The following KIRREL3 variants were observed in gnomAD, a reference collection of about 807,000 sequenced individuals.
KIRREL3 encodes kin of IRRE-like protein 3.
In KIRREL3, 36 loss-of-function variants were observed where a neutral mutation model predicts 89.7. That is an observed-to-expected ratio of 0.40 (90% CI 0.31 to 0.53). The LOEUF is 0.53. Ranked by LOEUF, KIRREL3 falls within the 20% of genes least tolerant of loss-of-function variation. The pLI is 0.49. For synonymous variants in KIRREL3, 445 were observed against 441.4 expected (o/e 1.01, Z -0.10); for missense variants, 864 against 1,056.6 (o/e 0.82, Z 2.53).
rs939773123 is a variant in KIRREL3, at chr11:126,999,998, T to G, written c.55+457A>C. ...ACGGTGCAAACCACACACATTCGCTTTTGAATACACTTGTGCAAGTCAAAC... is the reference window on the plus strand; with the variant it reads ...ACGGTGCAAACCACACACATTCGCTGTTGAATACACTTGTGCAAGTCAAAC... On this transcript the variant is annotated intron_variant, in intron 1 of 16. Coordinates refer to ENST00000525144, the MANE Select transcript of KIRREL3 (RefSeq NM_032531.4). The surrounding 1 kb of genome is among the most constrained non-coding windows in gnomAD (Gnocchi z 5.7). 1.3e-5 allele frequency among the ~76,000 whole-genome samples: 2 copies of G among 152,140 alleles called. No homozygotes were observed. Among genetic ancestry groups the G allele is most frequent in the African/African-American group, 2.4e-5 (1 of 41,420 alleles).
chr11:126,631,114 T>C, intron 1 of KIRREL3, among the ~76,000 whole-genome samples: 1 of 58,798 alleles, frequency 1.7e-5, no homozygotes, highest in Non-Finnish European at 3.3e-5. Flanking sequence ...GCAATCAGTC[T>C]GTATGTATGT....
At chr11:126,693,313 C>T (rs1053089597) in intron 1 of KIRREL3, among the ~76,000 whole-genome samples, 19 of 152,126 alleles carry the variant, frequency 1.2e-4, no homozygotes, top group African/African-American at 4.6e-4. Flanking sequence ...CCCAGCTACT[C>T]AGGAGGCTGA....
chr11:126,847,653 T>A (rs1289226874), intron 1 of KIRREL3, among the ~76,000 whole-genome samples: 2 of 152,144 alleles, frequency 1.3e-5, no homozygotes, highest in African/African-American at 4.8e-5. Flanking sequence ...CTAATAGAAG[T>A]CTGAAGTAAT....
chr11:126,756,151 G>A (rs950244942), intron 1 of KIRREL3, among the ~76,000 whole-genome samples: 2 of 152,028 alleles, frequency 1.3e-5, no homozygotes, highest in African/African-American at 2.4e-5. Context: ...TTTATAACTC[G>A]ATGAAGCCAG....
chr11:126,570,035 T>C lies in KIRREL3; in HGVS notation c.56-7123A>G, dbSNP rs998618161. Among the ~76,000 whole-genome samples, 1 of 152,204 alleles carries C rather than the reference T, an allele frequency of 6.6e-6. No individual in the cohort carries two copies. The highest frequency in any genetic ancestry group is 1.5e-5 in the Non-Finnish European group (1 of 68,036). ...TCATGCAAAGATCATAATTTTCTGA[T>C]CAACCTCTATCATAAAGAGGACTGA... On this transcript the variant is annotated intron_variant, in intron 1 of 16. Coordinates refer to ENST00000525144, the MANE Select transcript of KIRREL3 (RefSeq NM_032531.4). The surrounding 1 kb of genome is among the most constrained non-coding windows in gnomAD (Gnocchi z 6.1).
At chr11:126,638,981 T>A (rs180926330) in intron 1 of KIRREL3, among the ~76,000 whole-genome samples, 25 of 152,128 alleles carry the variant, frequency 1.6e-4, no homozygotes, top group African/African-American at 5.8e-4. Context: ...ACAGTACACT[T>A]TAATGATTTT....
At position 126,443,015 on chromosome 11, in the gene KIRREL3, C is replaced by T. The variant is rs1285463730; in HGVS notation, c.1252+1964G>A. ...CCCTCCCCGTCCAAGAGAAATGTCCCTCCCGGCCTGTGTTCCCCAGGGGGC... is the reference window on the plus strand; with the variant it reads ...CCCTCCCCGTCCAAGAGAAATGTCCTTCCCGGCCTGTGTTCCCCAGGGGGC... On this transcript the variant is annotated intron_variant, in intron 10 of 16. Coordinates refer to ENST00000525144, the MANE Select transcript of KIRREL3 (RefSeq NM_032531.4). This position sits in a 1 kb window ranked among gnomAD's most constrained non-coding sequence, Gnocchi z 7.3. Among the ~76,000 whole-genome samples the T allele has an allele frequency of 6.6e-6, 1 of 152,216 alleles. No individual in the cohort carries two copies. Among genetic ancestry groups the T allele is most frequent in the African/African-American group, 2.4e-5 (1 of 41,456 alleles).
intron 2 of KIRREL3, among the ~76,000 whole-genome samples, chr11:126,543,459 C>A (rs1309610409): frequency 6.6e-6 from 1 of 152,196 alleles, no homozygotes; most frequent in East Asian, 1.9e-4. Context: ...TTAACTAACA[C>A]ATCCAGGGTC....
rs969804286 is a variant in KIRREL3 at position 126,708,853 on chromosome 11, C to G, written c.56-145941G>C. The stretch of plus-strand genomic sequence containing the variant: ...CAAAGGCCATGGGATCAGCTGTGAT[C>G]TCTCCCTTCCTTTTTCATTCTCCTC... On this transcript the variant is annotated intron_variant, in intron 1 of 16. Coordinates refer to ENST00000525144, the MANE Select transcript of KIRREL3 (RefSeq NM_032531.4). This position sits in a 1 kb window ranked among gnomAD's most constrained non-coding sequence, Gnocchi z 5.7. Among the ~76,000 whole-genome samples the G allele has an allele frequency of 6.6e-6, 1 of 152,188 alleles. No individual in the cohort carries two copies. Among genetic ancestry groups the G allele is most frequent in the Non-Finnish European group, 1.5e-5 (1 of 68,032 alleles).
rs1205070762 is a variant in KIRREL3, at chr11:126,788,369, T to C, written c.55+212086A>G. 2.0e-5 allele frequency among the ~76,000 whole-genome samples: 3 copies of C among 152,198 alleles called. No individual in the cohort carries two copies. The highest frequency in any genetic ancestry group is 4.4e-5 in the Non-Finnish European group (3 of 68,042). The stretch of plus-strand genomic sequence containing the variant: ...CAGGGTATGCAAGTTGCATTTGACA[T>C]TTCTGCAGGGTCTGTGGCCCTTGGT... On this transcript the variant is annotated intron_variant, in intron 1 of 16. Coordinates refer to ENST00000525144, the MANE Select transcript of KIRREL3 (RefSeq NM_032531.4). This position sits in a 1 kb window ranked among gnomAD's most constrained non-coding sequence, Gnocchi z 4.1.
intron 1 of KIRREL3, among the ~76,000 whole-genome samples, chr11:126,590,056 T>A (rs989326716): frequency 6.6e-6 from 1 of 152,228 alleles, no homozygotes; most frequent in Non-Finnish European, 1.5e-5. Flanking sequence ...AACTCTGGCT[T>A]TCATTGTTGA....
intron 4 of KIRREL3, among the ~76,000 whole-genome samples, chr11:126,488,840 AG>A (rs1957434486): frequency 6.6e-6 from 1 of 152,104 alleles, no homozygotes; most frequent in African/African-American, 2.4e-5. Context: ...TGGTGTCCAA[AG>A]CCCCACAGCA....
chr11:126,537,004 G>A lies in KIRREL3; in HGVS notation c.134-10317C>T, dbSNP rs1016850005. 2.0e-5 allele frequency among the ~76,000 whole-genome samples: 3 copies of A among 152,234 alleles called. No homozygotes were observed. Among genetic ancestry groups the A allele is most frequent in the Non-Finnish European group, 4.4e-5 (3 of 68,024 alleles). The stretch of plus-strand genomic sequence containing the variant: ...GCGGCTCAGAGGCAGGCAGGAGGTG[G>A]CTCAAGGGTGGGCTCAATCCCTGCC... On this transcript the variant is annotated intron_variant, in intron 2 of 16. Coordinates refer to ENST00000525144, the MANE Select transcript of KIRREL3 (RefSeq NM_032531.4). This position sits in a 1 kb window ranked among gnomAD's most constrained non-coding sequence, Gnocchi z 4.3.
rs1939875855 is a variant in KIRREL3 at position 126,558,571 on chromosome 11, G to T, written c.133+4264C>A. Among the ~76,000 whole-genome samples the T allele has an allele frequency of 6.6e-6, 1 of 152,176 alleles. No individual in the cohort carries two copies. Among genetic ancestry groups the T allele is most frequent in the Non-Finnish European group, 1.5e-5 (1 of 68,034 alleles). On this transcript the variant is annotated intron_variant, in intron 2 of 16. Transcript: ENST00000525144. This position sits in a 1 kb window ranked among gnomAD's most constrained non-coding sequence, Gnocchi z 4.0. ...CGGGCAAGTTGCTGCATGCTCTTGGGCCATGCTGTGTTATTGGGTTGCACT... is the reference window on the plus strand; with the variant it reads ...CGGGCAAGTTGCTGCATGCTCTTGGTCCATGCTGTGTTATTGGGTTGCACT...
At position 126,970,886 on chromosome 11, in the gene KIRREL3, G is replaced by A. The variant is rs1949409893; in HGVS notation, c.55+29569C>T. 6.6e-6 allele frequency among the ~76,000 whole-genome samples: 1 copy of A among 152,142 alleles called. No individual in the cohort carries two copies. The highest frequency in any genetic ancestry group is 1.5e-5 in the Non-Finnish European group (1 of 68,018). On this transcript the variant is annotated intron_variant, in intron 1 of 16. Transcript: ENST00000525144. This position sits in a 1 kb window ranked among gnomAD's most constrained non-coding sequence, Gnocchi z 4.4. Reference sequence around the variant, plus strand: ...GGCTCACCTGCTGCCAGGTATCTACGCAGCAGGAGAACCACAAACAGAAGC... The same window carrying A: ...GGCTCACCTGCTGCCAGGTATCTACACAGCAGGAGAACCACAAACAGAAGC...
chr11:126,995,805 C>A lies in KIRREL3; in HGVS notation c.55+4650G>T, dbSNP rs1424466912. 6.6e-6 allele frequency among the ~76,000 whole-genome samples: 1 copy of A among 152,146 alleles called. No homozygotes were observed. Among genetic ancestry groups the A allele is most frequent in the Non-Finnish European group, 1.5e-5 (1 of 68,030 alleles). ...TGCTGCCTAAGTCATCCCCACTGGGCTGAACAAAAAAGAAAAACTGCATCT... is the reference window on the plus strand; with the variant it reads ...TGCTGCCTAAGTCATCCCCACTGGGATGAACAAAAAAGAAAAACTGCATCT... On this transcript the variant is annotated intron_variant, in intron 1 of 16. Coordinates refer to ENST00000525144, the MANE Select transcript of KIRREL3 (RefSeq NM_032531.4). The surrounding 1 kb of genome is among the most constrained non-coding windows in gnomAD (Gnocchi z 6.5).
At chr11:126,851,433 C>A (rs1200742076) in intron 1 of KIRREL3, among the ~76,000 whole-genome samples, 1 of 152,164 alleles carries the variant, frequency 6.6e-6, no homozygotes, top group Non-Finnish European at 1.5e-5. Flanking sequence ...CACCTTGGTG[C>A]TATATGTGCA....
In KIRREL3 at chr11:126,927,342, G is replaced by A. The variant is rs541162142; in HGVS notation, c.55+73113C>T. 3.9e-5 allele frequency among the ~76,000 whole-genome samples: 6 copies of A among 152,294 alleles called. No individual in the cohort carries two copies. In the South Asian group the frequency reaches 6.2e-4, roughly 16 times the overall value. On this transcript the variant is annotated intron_variant, in intron 1 of 16. Transcript: ENST00000525144. The stretch of plus-strand genomic sequence containing the variant: ...CTCAATGAATATTTGTTGAGTTTAT[G>A]ATTTTGTGTGTGTACACACTCATAC...
At chr11:126,928,682 G>A (rs998485604) in intron 1 of KIRREL3, among the ~76,000 whole-genome samples, 3 of 152,228 alleles carry the variant, frequency 2.0e-5, no homozygotes, top group Non-Finnish European at 4.4e-5. Context: ...GCATGACTGG[G>A]TGGAAAAGGA....
Sources: allele counts gnomAD v4.1 joint callset (sites outside exome capture counted in the v4.1 genomes callset), GRCh38; gene constraint gnomAD v4.1.1; non-coding constraint Gnocchi (gnomAD v3.1); transcripts MANE v1.5; gene names NCBI Gene and HGNC (gene_info 2026-07-23, HGNC 2026-07-21).